EDA2R: variants seen among roughly 807,000 people sequenced by gnomAD.
EDA2R encodes the protein tumor necrosis factor receptor superfamily member 27.
In EDA2R, 26 loss-of-function variants were observed where a neutral mutation model predicts 20.1. That is an observed-to-expected ratio of 1.30 (90% CI 0.95 to 1.80). The LOEUF (loss-of-function observed/expected upper bound fraction) is 1.80, where lower values mean the gene tolerates loss of function less well. EDA2R is among the 40% of genes most tolerant of loss of function. The probability of loss-of-function intolerance (pLI) is 0.00; values close to 1 mark genes in which losing one functional copy is unlikely to be tolerated. For missense variants in EDA2R, 277 were observed against 228.7 expected (o/e 1.21, Z -1.36); for synonymous variants, 114 against 88.7 (o/e 1.29, Z -1.60).
intron 1 of EDA2R, among the ~76,000 whole-genome samples, chrX:66,624,378 G>A (rs1027535804): frequency 1.7e-4 from 19 of 111,311 alleles, no homozygotes; most frequent in African/African-American, 6.2e-4. Context: ...ATTGAGCTAG[G>A]TGTGGTTGCA....
intron 2 of EDA2R, among the ~76,000 whole-genome samples, chrX:66,606,900 T>C (rs1029922678): frequency 1.8e-5 from 2 of 112,284 alleles, no homozygotes; most frequent in Non-Finnish European, 3.8e-5. Flanking sequence ...TTCCACTCGA[T>C]TGAGAATGCA....
intron 1 of EDA2R, among the ~76,000 whole-genome samples, chrX:66,631,629 A>G (rs777085341): frequency 1.5e-4 from 17 of 111,509 alleles, no homozygotes; most frequent in Non-Finnish European, 1.1e-4. Flanking sequence ...ATGGTTTGAT[A>G]GGGTTACTGC....
intron 1 of EDA2R, among the ~76,000 whole-genome samples, chrX:66,622,536 G>A (rs1312366828): frequency 8.9e-6 from 1 of 111,874 alleles, no homozygotes; most frequent in Non-Finnish European, 1.9e-5. Context: ...AGTGCAGGAG[G>A]TGTGGGATTA....
At chrX:66,607,918 A>G (rs1929990904) in intron 2 of EDA2R, among the ~76,000 whole-genome samples, 1 of 112,288 alleles carries the variant, frequency 8.9e-6, no homozygotes, top group Non-Finnish European at 1.9e-5. Context: ...CTTAGTAGAC[A>G]AAGACTAAAA....
Position 66,596,008 on chromosome X carries a change from T to G in EDA2R, c.*2096A>C, listed in dbSNP as rs1165851263. ...CTGTCAAAATCCAAGTCAAGGTATA[T>G]GGAGAGAAAAACAGTAATCCAAAAA... On this transcript the variant is annotated 3_prime_UTR_variant, in exon 7 of 7. Transcript: ENST00000374719. 9.4e-6 allele frequency: 1 copy of G among 106,662 alleles called. No individual in the cohort carries two copies. Among genetic ancestry groups the G allele is most frequent in the Non-Finnish European group, 1.9e-5 (1 of 51,851 alleles). The allele number at this position is 106,662 out of a possible 1,213,427, so 8.8% of individuals were successfully genotyped here.
At chrX:66,631,446 G>A (rs1933808547) in intron 1 of EDA2R, among the ~76,000 whole-genome samples, 1 of 111,225 alleles carries the variant, frequency 9.0e-6, no homozygotes, top group East Asian at 2.8e-4. Context: ...AAGCAAGGCA[G>A]AACCCAAAGG....
At chrX:66,607,510 T>C (rs1462275122) in intron 2 of EDA2R, among the ~76,000 whole-genome samples, 1 of 110,966 alleles carries the variant, frequency 9.0e-6, no homozygotes, top group Non-Finnish European at 1.9e-5. Context: ...GCTACTCAGG[T>C]GGCTGAGATG....
intron 1 of EDA2R, 91 bp from the exon 2 acceptor site, chrX:66,616,121 T>C: frequency 1.8e-6 from 1 of 571,245 alleles, no homozygotes; most frequent in Admixed American, 2.7e-5. Context: ...GTCCCCTTAA[T>C]CTATTCTCTA....
At position 66,612,855 on chromosome X, in the gene EDA2R, T is replaced by G. The variant is rs1013110241; in HGVS notation, c.87+3079A>C. Among the ~76,000 whole-genome samples, 7 of 111,196 alleles carry G rather than the reference T, an allele frequency of 6.3e-5. No homozygotes were observed. In the East Asian group the frequency reaches 2.0e-3, roughly 31 times the overall value. On this transcript the variant is annotated intron_variant, in intron 2 of 6. Coordinates refer to ENST00000374719, the MANE Select transcript of EDA2R (RefSeq NM_021783.5). ...TAAGGAGCAAATTATCATTAAAAAT[T>G]TATTGAGAATTCTCCTTCATAATTA...
intron 2 of EDA2R, among the ~76,000 whole-genome samples, chrX:66,612,172 C>T (rs924288354): frequency 5.4e-5 from 6 of 110,861 alleles, no homozygotes; most frequent in African/African-American, 2.0e-4. Context: ...TTAAATAATT[C>T]TAAAGAGAGT....
intron 1 of EDA2R, among the ~76,000 whole-genome samples, chrX:66,635,323 G>A (rs1220054585): frequency 8.9e-6 from 1 of 112,279 alleles, no homozygotes; most frequent in East Asian, 2.8e-4. Context: ...CAAAATAATA[G>A]TAGTCGTATT....
At chrX:66,614,565 C>T (rs1039176060) in intron 2 of EDA2R, among the ~76,000 whole-genome samples, 7 of 112,046 alleles carry the variant, frequency 6.2e-5, no homozygotes. Context: ...TTACCTCTGG[C>T]GATCTTTCCT....
intron 6 of EDA2R, among the ~76,000 whole-genome samples, chrX:66,599,100 T>C (rs1312700981): frequency 8.9e-6 from 1 of 112,192 alleles, no homozygotes; most frequent in Non-Finnish European, 1.9e-5. Flanking sequence ...ATTTGAAATG[T>C]AGGGTTTCCA....
At chrX:66,609,092 G>T (rs1186058908) in intron 2 of EDA2R, among the ~76,000 whole-genome samples, 5 of 111,527 alleles carry the variant, frequency 4.5e-5, no homozygotes, top group African/African-American at 1.6e-4. Context: ...GAATTGACTG[G>T]TATGTGAACT....
chrX:66,601,334 G>A (rs1182833561), intron 5 of EDA2R, among the ~76,000 whole-genome samples: 1 of 111,687 alleles, frequency 9.0e-6, no homozygotes, highest in African/African-American at 3.3e-5. Flanking sequence ...TCTTATCTGG[G>A]ACACTGGCCT....
chrX:66,599,685 C>A lies in EDA2R; in HGVS notation c.693G>T (p.Gln231His), dbSNP rs147871575. The A allele has an allele frequency of 3.3e-6, 4 of 1,206,855 alleles. No individual in the cohort carries two copies. In the African/African-American group the frequency reaches 7.0e-5, roughly 21 times the overall value. Residue 231 changes from glutamine to histidine, a missense_variant, in exon 6 of 7, where the codon CAG becomes CAT. By Grantham distance (24) the Gln-to-His change is conservative. Transcript: ENST00000374719. ...DCSSTSGFPT[Q>H]ESFTMASCTS... Reference sequence around the variant, plus strand: ...TGCAGGAGGCCATGGTAAAGGACTCCTGTGTGGGGAAGCCACTAGTCGAGC... The same window carrying A: ...TGCAGGAGGCCATGGTAAAGGACTCATGTGTGGGGAAGCCACTAGTCGAGC...
chrX:66,635,148 C>T (rs1934204192), intron 1 of EDA2R, among the ~76,000 whole-genome samples: 1 of 111,836 alleles, frequency 8.9e-6, no homozygotes, highest in Admixed American at 9.5e-5. Flanking sequence ...TGAGTACTTT[C>T]TATGCTAGGC....
chrX:66,626,955 C>T (rs1343527127), intron 1 of EDA2R, among the ~76,000 whole-genome samples: 3 of 110,863 alleles, frequency 2.7e-5, no homozygotes, highest in African/African-American at 9.9e-5. Context: ...GAAATTTGGG[C>T]CCTATATTCA....
At chrX:66,602,862 A>G in intron 4 of EDA2R, 65 bp from the exon 5 acceptor site, 3 of 1,011,721 alleles carry the variant, frequency 3.0e-6, no homozygotes, top group Non-Finnish European at 4.0e-6. Context: ...CTGACCCTGG[A>G]CCTGGACTTC....
Sources: gnomAD v4.1 joint callset for allele counts (sites outside exome capture counted in the v4.1 genomes callset) on GRCh38, gnomAD v4.1.1 for gene constraint, MANE v1.5 for transcripts, NCBI Gene and HGNC (gene_info 2026-07-23, HGNC 2026-07-21) for gene names.